The following IFT88 variants were observed in gnomAD, a reference collection of about 807,000 sequenced individuals.
IFT88 encodes the protein intraflagellar transport protein 88 homolog.
IFT88 carries 74 observed loss-of-function variants against 119.5 expected under a neutral mutation model. The observed-to-expected ratio is 0.62, with a 90% confidence interval of 0.51 to 0.75. The LOEUF is 0.75. Ranked by LOEUF, IFT88 falls within the 30% of genes least tolerant of loss-of-function variation. The pLI is 0.00. For missense variants in IFT88, 961 were observed against 977.7 expected, an observed-to-expected ratio of 0.98 and a Z score of 0.23; for synonymous variants, 279 against 316.7, an observed-to-expected ratio of 0.88 and a Z score of 1.26.
intron 14 of IFT88, among the ~76,000 whole-genome samples, chr13:20,618,309 C>T (rs1197219711): frequency 5.9e-5 from 9 of 152,232 alleles, no homozygotes; most frequent in Admixed American, 5.9e-4. Flanking sequence ...TGGCTCCCCA[C>T]ATCTTTCTCT....
chr13:20,592,236 G>A lies in IFT88; in HGVS notation c.329-99G>A, dbSNP rs1371168606. The A allele has an allele frequency of 3.7e-6, 3 of 805,842 alleles. No homozygotes were observed. The African/African-American group carries it at 5.3e-5, about 14-fold the overall frequency. The allele number at this position is 805,842 out of a possible 1,614,324, so 49.9% of individuals were successfully genotyped here. A position where few individuals can be genotyped will look rare whatever the true frequency, so the allele number is the denominator to read the frequency against. On this transcript the variant is annotated intron_variant, in intron 6 of 25. Transcript: ENST00000351808. Reference sequence around the variant, plus strand: ...TAGATAATTGAAACCATTTAATAAAGAGGTAAATGAAATAGCTTATGCGAG... The same window carrying A: ...TAGATAATTGAAACCATTTAATAAAAAGGTAAATGAAATAGCTTATGCGAG...
At chr13:20,592,922 T>TTA (rs200826977) in intron 7 of IFT88, among the ~76,000 whole-genome samples, 1,785 of 152,124 alleles carry the variant, frequency 0.012, 34 homozygotes, top group African/African-American at 0.041. Flanking sequence ...AAATTAAGAA[T>TTA]AGCCATATGT....
intron 13 of IFT88, among the ~76,000 whole-genome samples, chr13:20,615,373 AC>A (rs2045434959): frequency 6.6e-6 from 1 of 152,202 alleles, no homozygotes. Context: ...GGATACAGAT[AC>A]ACATATATGC....
intron 2 of IFT88, among the ~76,000 whole-genome samples, chr13:20,578,031 C>CATCTTTTTT (rs2037752080): frequency 1.7e-5 from 1 of 59,824 alleles, no homozygotes; most frequent in African/African-American, 5.1e-5. Flanking sequence ...AGTCTTGTTA[C>CATCTTTTTT]TTCTTTTTTT....
intron 13 of IFT88, among the ~76,000 whole-genome samples, chr13:20,608,309 G>A (rs1166311997): frequency 1.3e-5 from 2 of 152,218 alleles, no homozygotes; most frequent in African/African-American, 4.8e-5. Context: ...CGCCCCATGA[G>A]CCACAGGAGG....
At chr13:20,575,004 A>G (rs1185753324) in intron 2 of IFT88, among the ~76,000 whole-genome samples, 1 of 152,050 alleles carries the variant, frequency 6.6e-6, no homozygotes, top group African/African-American at 2.4e-5. Context: ...ATGTACAATT[A>G]AATTATTGAC....
intron 7 of IFT88, among the ~76,000 whole-genome samples, chr13:20,595,639 C>T (rs1348668274): frequency 6.6e-6 from 1 of 152,036 alleles, no homozygotes; most frequent in Non-Finnish European, 1.5e-5. Context: ...TGAATAATTA[C>T]ATGATGTAGT....
chr13:20,664,910 T>C (rs1396656183), intron 23 of IFT88, among the ~76,000 whole-genome samples: 3 of 152,018 alleles, frequency 2.0e-5, no homozygotes, highest in Non-Finnish European at 4.4e-5. Flanking sequence ...AAACTCTGTC[T>C]CTACTAAAAA....
At chr13:20,637,004 A>G (rs1378398048) in intron 16 of IFT88, among the ~76,000 whole-genome samples, 1 of 152,248 alleles carries the variant, frequency 6.6e-6, no homozygotes, top group Admixed American at 6.5e-5. Flanking sequence ...AACATGGACG[A>G]ACCTTAAAAA....
At chr13:20,672,291 A>G (rs2056019436) in intron 24 of IFT88, among the ~76,000 whole-genome samples, 1 of 152,200 alleles carries the variant, frequency 6.6e-6, no homozygotes, top group African/African-American at 2.4e-5. Flanking sequence ...GAGTCAGTCC[A>G]GCGTCTCCAG....
intron 6 of IFT88, 39 bp downstream of exon 6, chr13:20,591,720 C>T: frequency 8.0e-7 from 1 of 1,250,876 alleles, no homozygotes; most frequent in Non-Finnish European, 1.2e-6. Flanking sequence ...TTTTTTGGAT[C>T]TTTTAATCTT....
intron 7 of IFT88, among the ~76,000 whole-genome samples, chr13:20,594,531 G>C (rs940507162): frequency 2.0e-5 from 3 of 152,126 alleles, no homozygotes; most frequent in African/African-American, 7.2e-5. Flanking sequence ...CCTGAATATA[G>C]ATTGCATTTT....
At chr13:20,574,060 C>G (rs1240371019) in intron 1 of IFT88, among the ~76,000 whole-genome samples, 1 of 152,194 alleles carries the variant, frequency 6.6e-6, no homozygotes. Flanking sequence ...GGCGTGGTGG[C>G]TCATGCTGGT....
intron 2 of IFT88, among the ~76,000 whole-genome samples, chr13:20,574,897 G>A (rs2037077777): frequency 6.6e-6 from 1 of 152,082 alleles, no homozygotes; most frequent in Admixed American, 6.6e-5. Flanking sequence ...CATACAATGT[G>A]TAATAATCAC....
At chr13:20,612,279 C>T (rs2044694446) in intron 13 of IFT88, 1 of 152,182 alleles carries the variant, frequency 6.6e-6, no homozygotes, top group Admixed American at 6.5e-5. Context: ...TAGGACCTTG[C>T]TCCATCTGCT....
chr13:20,639,131 G>T (rs1396716682), intron 17 of IFT88, among the ~76,000 whole-genome samples: 1 of 151,990 alleles, frequency 6.6e-6, no homozygotes, highest in Non-Finnish European at 1.5e-5. Context: ...TGCAGTACTG[G>T]GTCTTGTCTC....
At chr13:20,635,966 G>A (rs1315755711) in intron 16 of IFT88, among the ~76,000 whole-genome samples, 1 of 151,600 alleles carries the variant, frequency 6.6e-6, no homozygotes, top group Non-Finnish European at 1.5e-5. Context: ...CCTGTGTTCT[G>A]CCCTGAGACA....
chr13:20,580,757 G>T (rs868069843), intron 2 of IFT88, among the ~76,000 whole-genome samples: 35 of 132,114 alleles, frequency 2.6e-4, no homozygotes, highest in Middle Eastern at 4.8e-3. Flanking sequence ...ATGGAGTCTC[G>T]CTCTGTAGCC....
At chr13:20,679,720 CAT>C (rs1417564818) in intron 24 of IFT88, among the ~76,000 whole-genome samples, 1 of 152,204 alleles carries the variant, frequency 6.6e-6, no homozygotes, top group Non-Finnish European at 1.5e-5. Flanking sequence ...CCAATTCTAA[CAT>C]GTAATTAGGA....
Sources: allele counts gnomAD v4.1 joint callset (sites outside exome capture counted in the v4.1 genomes callset), GRCh38; gene constraint gnomAD v4.1.1; transcripts MANE v1.5; gene names NCBI Gene and HGNC (gene_info 2026-07-23, HGNC 2026-07-21).